Variants in ERI2 observed in about 807,000 individuals in gnomAD.
ERI2 encodes ERI1 exoribonuclease family member 2, also known as ERI1 exoribonuclease 2.
ERI2 carries 35 observed loss-of-function variants against 46.8 expected under a neutral mutation model. That is an observed-to-expected ratio of 0.75 (90% CI 0.57 to 0.99). The LOEUF (loss-of-function observed/expected upper bound fraction) is 0.99. ERI2 is among the 50% of genes least tolerant of loss of function. The pLI, the probability that ERI2 is intolerant of heterozygous loss-of-function variation, is 0.00. For missense variants in ERI2, 695 were observed against 796.2 expected, an observed-to-expected ratio of 0.87 and a Z score of 1.53; for synonymous variants, 224 against 271.0, an observed-to-expected ratio of 0.83 and a Z score of 1.70.
At chr16:20,804,845 C>A (rs1290158231) in intron 1 of ERI2, among the ~76,000 whole-genome samples, 1 of 152,230 alleles carries the variant, frequency 6.6e-6, no homozygotes, top group East Asian at 1.9e-4. Context: ...TAATAAATAT[C>A]ATTTATTGAC....
Position 20,796,692 on chromosome 16 carries a change from A to G in ERI2, c.*1032T>C. 2.0e-6 allele frequency: 3 copies of G among 1,477,522 alleles called. No homozygotes were observed. Among genetic ancestry groups the G allele is most frequent in the Non-Finnish European group, 2.7e-6 (3 of 1,121,272 alleles). The allele number at this position is 1,477,522 out of a possible 1,614,324, so 91.5% of individuals were successfully genotyped here. A position where few individuals can be genotyped will look rare whatever the true frequency, so the allele number is the denominator to read the frequency against. On this transcript the variant is annotated 3_prime_UTR_variant, in exon 9 of 9. Coordinates refer to ENST00000357967, the MANE Select transcript of ERI2 (RefSeq NM_001142725.2). ...TTTGTTTGGTCCTTTGGCTTACTGGACTCACAGTAAATACTTAATATCAAG... is the reference window on the plus strand; with the variant it reads ...TTTGTTTGGTCCTTTGGCTTACTGGGCTCACAGTAAATACTTAATATCAAG...
In ERI2 at chr16:20,790,880, T is replaced by G; in HGVS notation, c.785A>C (p.Asp262Ala). Residue 262 changes from aspartate (D) to alanine (A), a missense_variant, in exon 9 of 11, where the codon GAC becomes GCC. Transcript: ENST00000300005. The surrounding 1 kb of genome is among the most constrained non-coding windows in gnomAD (Gnocchi z 4.0). ...TTCTTGCTGAAGAAAAGCATGCTGGTCCCCTGAGGCCAGATCACTGTTCCA... is the reference window on the plus strand; with the variant it reads ...TTCTTGCTGAAGAAAAGCATGCTGGGCCCCTGAGGCCAGATCACTGTTCCA... 1 of 1,613,970 alleles carries G rather than the reference T, an allele frequency of 6.2e-7. No homozygotes were observed. Among genetic ancestry groups the G allele is most frequent in the Non-Finnish European group, 8.5e-7 (1 of 1,179,942 alleles).
chr16:20,788,109 T>A (rs1319268885), intron 10 of ERI2, among the ~76,000 whole-genome samples: 1 of 152,112 alleles, frequency 6.6e-6, no homozygotes, highest in Non-Finnish European at 1.5e-5. Context: ...TATTTATTTA[T>A]TTTTTTATTT....
At chr16:20,780,869 C>T (rs768133999) in intron 10 of ERI2, 1 of 1,614,026 alleles carries the variant, frequency 6.2e-7, no homozygotes. Context: ...TATACTTTCA[C>T]AAAAGTGCAG....
rs191510196 is a variant in ERI2 at position 20,786,414 on chromosome 16, C to T, written c.894+3065G>A. On this transcript the variant is annotated intron_variant, in intron 10 of 10. Transcript: ENST00000300005. Reference sequence around the variant, plus strand: ...TAACCCATTAGGCTGGATGCAGTGGCTCACGCCTGTAATCCCAACACTTTG... The same window carrying T: ...TAACCCATTAGGCTGGATGCAGTGGTTCACGCCTGTAATCCCAACACTTTG... The T allele has an allele frequency of 1.8e-4, 117 of 659,998 alleles. No homozygotes were observed. In the East Asian group the frequency reaches 3.9e-3, roughly 22 times the overall value. The allele number at this position is 659,998 out of a possible 1,614,324, so 40.9% of individuals were successfully genotyped here.
chr16:20,792,917 C>T (rs556461851), downstream of ERI2, among the ~76,000 whole-genome samples: 1 of 152,274 alleles, frequency 6.6e-6, no homozygotes, highest in South Asian at 2.1e-4. Context: ...CAGCCTCCTG[C>T]GTTTTGCCTG....
chr16:20,801,529 AGTTT>A (rs1279727036), intron 4 of ERI2, among the ~76,000 whole-genome samples, 170 bp from the exon 5 acceptor site: 3 of 152,210 alleles, frequency 2.0e-5, no homozygotes, highest in African/African-American at 7.2e-5. Context: ...ACTGGCAAAG[AGTTT>A]ATTTAGTGGA....
chr16:20,798,036 C>T lies in ERI2; in HGVS notation c.1764G>A (p.Lys588=), dbSNP rs2080752784. The change falls in exon 9 of 9, where the codon AAG becomes AAA. Residue 588 remains lysine, a synonymous_variant. Transcript: ENST00000357967. ...ATAATGGAGGTGTCATTTTCCCACTCTTCCATGGCTCTTGTAGGTTAACTG... is the reference window on the plus strand; with the variant it reads ...ATAATGGAGGTGTCATTTTCCCACTTTTCCATGGCTCTTGTAGGTTAACTG... ...TSTVNLQEPW[K]SGKMTPPLCK... 3 of 1,551,704 alleles carry T rather than the reference C, an allele frequency of 1.9e-6. No individual in the cohort carries two copies. Among genetic ancestry groups the T allele is most frequent in the Non-Finnish European group, 2.6e-6 (3 of 1,146,988 alleles).
At chr16:20,791,008 C>T in intron 8 of ERI2, 1 of 1,463,410 alleles carries the variant, frequency 6.8e-7, no homozygotes, top group African/African-American at 1.4e-5. Flanking sequence ...TTCCTGAAAT[C>T]CAGTTAGTGC....
At position 20,803,641 on chromosome 16, in the gene ERI2, A is replaced by G. The variant is rs1315480337; in HGVS notation, c.53T>C (p.Ile18Thr). The change falls in exon 2 of 9, where the codon ATT (isoleucine) becomes ACT (threonine). Residue 18 changes from isoleucine to threonine, a missense_variant. Coordinates refer to ENST00000357967, the MANE Select transcript of ERI2 (RefSeq NM_001142725.2). ...TCCGAGATTTCCATTTGCTGGCGCA[A>G]TTGACTTTCTCCTAATTAATCCAAG... ...RQLGLIRRKS[I>T]APANGNLGRS... is the part of the protein sequence containing the mutation. 5 of 1,614,018 alleles carry G rather than the reference A, an allele frequency of 3.1e-6. No individual in the cohort carries two copies. Among genetic ancestry groups the G allele is most frequent in the Middle Eastern group, 1.6e-4 (1 of 6,084 alleles).
chr16:20,790,345 G>C lies in ERI2; in HGVS notation c.815+505C>G, dbSNP rs116105298. On this transcript the variant is annotated intron_variant, in intron 9 of 10. Coordinates refer to the ERI2 transcript ENST00000300005. This position sits in a 1 kb window ranked among gnomAD's most constrained non-coding sequence, Gnocchi z 4.0. ...TGTGCTTGTAGCCCCAGATACTTGGGAAGCTGAGGTGTGAGGACTGTTTGA... is the reference window on the plus strand; with the variant it reads ...TGTGCTTGTAGCCCCAGATACTTGGCAAGCTGAGGTGTGAGGACTGTTTGA... Among the ~76,000 whole-genome samples the C allele has an allele frequency of 6.6e-3, 1,011 of 152,266 alleles. 19 individuals are homozygous for C. Among genetic ancestry groups the C allele is most frequent in the African/African-American group, 0.023 (951 of 41,550 alleles).
At chr16:20,805,873 C>A in intron 1 of ERI2, 2 of 757,074 alleles carry the variant, frequency 2.6e-6, no homozygotes, top group Non-Finnish European at 3.2e-6. Context: ...GGTGGACGCG[C>A]CACGTTATAA....
chr16:20,802,855 G>C lies in ERI2; in HGVS notation c.244C>G (p.Gln82Glu), dbSNP rs146497442. Residue 82 changes from glutamine (Q) to glutamate (E), a missense_variant, in exon 4 of 9, where the codon CAA becomes GAA. Gln to Glu is a conservative substitution (Grantham distance 29). Transcript: ENST00000357967. ...QIDSEFQAYV[Q>E]PQEHPILSEF... ...GAAAGAATTGGATGTTCCTGAGGTTGAACATAAGCCTGGAACTCAGAGTCA... is the reference window on the plus strand; with the variant it reads ...GAAAGAATTGGATGTTCCTGAGGTTCAACATAAGCCTGGAACTCAGAGTCA... 1.2e-6 allele frequency: 2 copies of C among 1,611,460 alleles called. No individual in the cohort carries two copies. The highest frequency in any genetic ancestry group is 1.3e-5 in the African/African-American group (1 of 75,032).
Position 20,798,429 on chromosome 16 carries a change from G to C in ERI2, c.1371C>G (p.Asn457Lys), listed in dbSNP as rs2080758780. Residue 457 changes from asparagine to lysine, a missense_variant, in exon 9 of 9, where the codon AAC becomes AAG. Transcript: ENST00000357967. ...GAGGAGTTTCCTCTATGTCTCCAAA[G>C]TTTTCATGACTTGACATTTCCAATT... ...LKELEMSSHE[N>K]FGDIEETPQK... 1 of 1,550,694 alleles carries C rather than the reference G, an allele frequency of 6.4e-7. No homozygotes were observed. Among genetic ancestry groups the C allele is most frequent in the Non-Finnish European group, 8.7e-7 (1 of 1,146,740 alleles).
At chr16:20,784,729 A>G in intron 10 of ERI2, 1 of 191,038 alleles carries the variant, frequency 5.2e-6, no homozygotes, top group Non-Finnish European at 1.1e-5. Context: ...GGGTAAAGAA[A>G]AACTAGTATT....
Position 20,798,495 on chromosome 16 carries a change from C to G in ERI2, c.1305G>C (p.Glu435Asp). The G allele has an allele frequency of 6.4e-7, 1 of 1,551,536 alleles. No homozygotes were observed. The highest frequency in any genetic ancestry group is 8.7e-7 in the Non-Finnish European group (1 of 1,146,886). The part of the protein sequence containing the change: ...CTVPISDSDL[E>D]ISFNSGERLM... ...ATCTTTCTCCAGAATTAAATGAAAT[C>G]TCTAAGTCTGAGTCACTAATGGGAA... Residue 435 changes from glutamate (E) to aspartate (D), a missense_variant, in exon 9 of 9, where the codon GAG (glutamate) becomes GAC (aspartate). By Grantham distance (45) the Glu-to-Asp change is conservative (BLOSUM62 2). Transcript: ENST00000357967.
At position 20,796,349 on chromosome 16, in the gene ERI2, T is replaced by C. The variant is rs1156726734; in HGVS notation, c.*1375A>G. ...ACAAATGCATAACTCATTTTCCTGG[T>C]GTTTCAAATATTTATTTTAGGTAGT... is the stretch of plus-strand genomic sequence containing the variant. On this transcript the variant is annotated 3_prime_UTR_variant, in exon 9 of 9. Transcript: ENST00000357967. 5 of 1,601,170 alleles carry C rather than the reference T, an allele frequency of 3.1e-6. No homozygotes were observed. The African/African-American group carries it at 5.4e-5, about 17-fold the overall frequency.
At position 20,798,749 on chromosome 16, in the gene ERI2, T is replaced by C. The variant is rs2080763330; in HGVS notation, c.1051A>G (p.Ile351Val). Reference protein sequence around the residue: ...QLQSPTLNSPIYMQKQGKNEH... With the variant: ...QLQSPTLNSPVYMQKQGKNEH... ...TTTTTTCCTTGCTTTTGCATATAGA[T>C]AGGTGAATTCAAGGTAGGAGACTGC... The change falls in exon 9 of 9, where the codon ATC becomes GTC. Residue 351 changes from isoleucine (I) to valine (V), a missense_variant. Transcript: ENST00000357967. The C allele has an allele frequency of 1.9e-6, 3 of 1,551,580 alleles. No homozygotes were observed. Among genetic ancestry groups the C allele is most frequent in the Admixed American group, 3.9e-5 (2 of 51,000 alleles).
chr16:20,781,795 A>G, intron 10 of ERI2: 1 of 1,590,782 alleles, frequency 6.3e-7, no homozygotes, highest in Non-Finnish European at 8.6e-7. Flanking sequence ...CAGGTAAGAA[A>G]TGTTAGTAAA....
Sources: gnomAD v4.1 joint callset for allele counts (sites outside exome capture counted in the v4.1 genomes callset) on GRCh38, gnomAD v4.1.1 for gene constraint, Gnocchi (gnomAD v3.1) non-coding constraint, MANE v1.5 for transcripts, NCBI Gene and HGNC (gene_info 2026-07-23, HGNC 2026-07-21) for gene names.